The following GPC2 variants were observed in gnomAD, a reference collection of about 807,000 sequenced individuals.
GPC2 encodes glypican-2.
In GPC2, 42 loss-of-function variants were observed where a neutral mutation model predicts 57.3. The observed-to-expected ratio is 0.73, with a 90% confidence interval of 0.57 to 0.95. The LOEUF (loss-of-function observed/expected upper bound fraction) is 0.95. Ranked by LOEUF, GPC2 falls within the 40% of genes least tolerant of loss-of-function variation. The pLI, the probability that GPC2 is intolerant of heterozygous loss-of-function variation, is 0.00. For missense variants in GPC2, 745 were observed against 793.6 expected, an observed-to-expected ratio of 0.94 and a Z score of 0.74; for synonymous variants, 364 against 343.4, an observed-to-expected ratio of 1.06 and a Z score of -0.66.
intron 4 of GPC2, 178 bp from the exon 5 acceptor site, chr7:100,174,175 C>G: frequency 5.5e-6 from 3 of 544,170 alleles, no homozygotes; most frequent in South Asian, 2.7e-5. Flanking sequence ...GTTGCTGACT[C>G]TGATTCGTGG....
At position 100,170,387 on chromosome 7, in the gene GPC2, T is replaced by C. The variant is rs1285380592; in HGVS notation, c.1583A>G (p.Tyr528Cys). 6 of 1,611,698 alleles carry C rather than the reference T, an allele frequency of 3.7e-6. No homozygotes were observed. The highest frequency in any genetic ancestry group is 5.1e-6 in the Non-Finnish European group (6 of 1,179,058). Residue 528 changes from tyrosine to cysteine, a missense_variant, in exon 10 of 10, where the codon TAC becomes TGC. Tyr to Cys is a radical substitution (Grantham distance 194). Coordinates refer to ENST00000292377, the MANE Select transcript of GPC2 (RefSeq NM_152742.3). ...APPARPPRPP[Y>C]PPRRDGSGGK... Reference sequence around the variant, plus strand: ...CCCAGAACCATCCCTTCTAGGAGGGTATGGAGGCCGAGGAGGCCGGGCTGG... The same window carrying C: ...CCCAGAACCATCCCTTCTAGGAGGGCATGGAGGCCGAGGAGGCCGGGCTGG...
At chr7:100,173,011 C>A (rs1799211244) in intron 5 of GPC2, among the ~76,000 whole-genome samples, 1 of 151,886 alleles carries the variant, frequency 6.6e-6, no homozygotes, top group African/African-American at 2.4e-5. Context: ...GTAGCTGGGA[C>A]TACAGGTGCA....
At position 100,177,357 on chromosome 7, in the gene GPC2, C is replaced by A. The variant is rs1799331498; in HGVS notation, c.-158G>T. On this transcript the variant is annotated 5_prime_UTR_variant, in exon 1 of 10. Coordinates refer to ENST00000292377, the MANE Select transcript of GPC2 (RefSeq NM_152742.3). ...TACCGAGCACGATAGCTGGACCAGG[C>A]GGCATCTGCCGAGACAATGGGAGCG... The A allele has an allele frequency of 1.7e-6, 1 of 590,936 alleles. No individual in the cohort carries two copies. Among genetic ancestry groups the A allele is most frequent in the South Asian group, 3.1e-5 (1 of 32,268 alleles). The allele number at this position is 590,936 out of a possible 1,614,324, so 36.6% of individuals were successfully genotyped here.
At position 100,171,717 on chromosome 7, in the gene GPC2, AC is replaced by A; in HGVS notation, c.1171-40del. 3 of 1,473,360 alleles carry A rather than the reference AC, an allele frequency of 2.0e-6. No individual in the cohort carries two copies. Among genetic ancestry groups the A allele is most frequent in the East Asian group, 2.7e-5 (1 of 36,666 alleles). The allele number at this position is 1,473,360 out of a possible 1,614,324, so 91.3% of individuals were successfully genotyped here. ...AGGGGGCGGGGCGAGCTGGAGCGCG[AC>A]CCCCACAACCATCCCCGGCCCCGGG... On this transcript the variant is annotated intron_variant, in intron 7 of 9. Coordinates refer to ENST00000292377, the MANE Select transcript of GPC2 (RefSeq NM_152742.3). This position sits in a 1 kb window ranked among gnomAD's most constrained non-coding sequence, Gnocchi z 4.8.
intron 4 of GPC2, 176 bp from the exon 5 acceptor site, chr7:100,174,173 C>T (rs1177840997): frequency 1.6e-5 from 9 of 547,306 alleles, no homozygotes; most frequent in Non-Finnish European, 2.8e-5. Context: ...AGGTTGCTGA[C>T]TCTGATTCGT....
chr7:100,172,793 G>A (rs1186875193), intron 5 of GPC2, among the ~76,000 whole-genome samples: 7 of 145,688 alleles, frequency 4.8e-5, no homozygotes, highest in Admixed American at 1.4e-4. Flanking sequence ...ATATATATAC[G>A]TATATATATG....
At chr7:100,174,097 C>A in intron 4 of GPC2, 100 bp from the exon 5 acceptor site, 1 of 1,122,888 alleles carries the variant, frequency 8.9e-7, no homozygotes, top group Non-Finnish European at 1.2e-6. Flanking sequence ...CCCCACCCTA[C>A]ACCTAGGGTT....
At position 100,176,344 on chromosome 7, in the gene GPC2, G is replaced by T; in HGVS notation, c.188C>A (p.Pro63His). The change falls in exon 2 of 10, where the codon CCC becomes CAC. Residue 63 changes from proline to histidine, a missense_variant. By Grantham distance (77) the Pro-to-His change is moderately conservative. Transcript: ENST00000292377. ...ACTGGAACAGCAGGTGTACTCCTGG[G>T]GACAGACCCGGAGGTGCTCACCTGG... ...LISGEHLRVC[P>H]QEYTCCSSET... The T allele has an allele frequency of 1.2e-6, 2 of 1,613,976 alleles. No homozygotes were observed. Among genetic ancestry groups the T allele is most frequent in the Non-Finnish European group, 1.7e-6 (2 of 1,179,920 alleles).
rs1468679638 is a variant in GPC2 at position 100,171,852 on chromosome 7, G to T, written c.1097C>A (p.Ala366Glu). ...GGTCACCATCGACCACAGCCGGCCC[G>T]CCTCTTCCCGGGGCGGCGGGGCTCG... ...NRRAPPPREE[A>E]GRLWSMVTEE... The change falls in exon 7 of 10, where the codon GCG becomes GAG. Residue 366 changes from alanine (A) to glutamate (E), a missense_variant. Physicochemically the swap from Ala to Glu is moderately radical, Grantham distance 107 (BLOSUM62 -1). Transcript: ENST00000292377. The surrounding 1 kb of genome is among the most constrained non-coding windows in gnomAD (Gnocchi z 4.8). 1.3e-6 allele frequency: 2 copies of T among 1,550,582 alleles called. No individual in the cohort carries two copies. Among genetic ancestry groups the T allele is most frequent in the Non-Finnish European group, 1.7e-6 (2 of 1,156,412 alleles).
Position 100,176,288 on chromosome 7 carries a change from C to T in GPC2, c.244G>A (p.Glu82Lys), listed in dbSNP as rs1799279418. Residue 82 changes from glutamate to lysine, a missense_variant, in exon 2 of 10, where the codon GAG becomes AAG. Glu to Lys is a moderately conservative substitution (Grantham distance 56). This residue lies in a region of GPC2 where 138 missense variants were observed against 189.8 expected (regional missense o/e 0.73). Transcript: ENST00000292377. ...TCCACCAGGCCTCGGAAGGTGGCCT[C>T]AGTCTCCCTGATCAGCCTCTGCTCT... ...ETEQRLIRETEATFRGLVEDS... is the reference protein window; with the variant it reads ...ETEQRLIRETKATFRGLVEDS... 1 of 1,614,056 alleles carries T rather than the reference C, an allele frequency of 6.2e-7. No individual in the cohort carries two copies. The highest frequency in any genetic ancestry group is 2.2e-5 in the East Asian group (1 of 44,876).
chr7:100,171,178 A>G lies in GPC2; in HGVS notation c.1486+83T>C, dbSNP rs1026738528. ...ATTAATCAATGAACGCTAAGAGCAG[A>G]GGCACGGGCGGGAACTACCAGGAGA... On this transcript the variant is annotated intron_variant, in intron 9 of 9. Transcript: ENST00000292377. The surrounding 1 kb of genome is among the most constrained non-coding windows in gnomAD (Gnocchi z 4.8). 9 of 1,207,796 alleles carry G rather than the reference A, an allele frequency of 7.5e-6. No homozygotes were observed. In the Admixed American group the frequency reaches 2.2e-4, roughly 30 times the overall value. The allele number at this position is 1,207,796 out of a possible 1,614,324, so 74.8% of individuals were successfully genotyped here. A position where few individuals can be genotyped will look rare whatever the true frequency, so the allele number is the denominator to read the frequency against.
At position 100,171,718 on chromosome 7, in the gene GPC2, C is replaced by T. The variant is rs1226947256; in HGVS notation, c.1171-40G>A. On this transcript the variant is annotated intron_variant, in intron 7 of 9. Transcript: ENST00000292377. This position sits in a 1 kb window ranked among gnomAD's most constrained non-coding sequence, Gnocchi z 4.8. ...GGGGGCGGGGCGAGCTGGAGCGCGA[C>T]CCCCACAACCATCCCCGGCCCCGGG... 6.8e-7 allele frequency: 1 copy of T among 1,480,158 alleles called. No homozygotes were observed. Among genetic ancestry groups the T allele is most frequent in the Non-Finnish European group, 8.9e-7 (1 of 1,124,126 alleles). 91.7% of individuals were successfully genotyped at this position (1,480,158 alleles called of 1,614,324 possible).
intron 3 of GPC2, 44 bp from the exon 4 acceptor site, chr7:100,174,809 T>C: frequency 6.7e-7 from 1 of 1,483,204 alleles, no homozygotes; most frequent in Non-Finnish European, 9.4e-7. Context: ...AAGGTTGTTA[T>C]GGGTCAGTCA....
chr7:100,173,635 T>G (rs146726553), intron 5 of GPC2, 200 bp downstream of exon 5: 20 of 427,780 alleles, frequency 4.7e-5, no homozygotes, highest in Non-Finnish European at 7.5e-5. Context: ...CTTCCTTCTT[T>G]CCTTCTTTCT....
Position 100,175,624 on chromosome 7 carries a change from G to A in GPC2, c.596C>T (p.Thr199Ile). The A allele has an allele frequency of 6.2e-7, 1 of 1,613,926 alleles. No homozygotes were observed. Among genetic ancestry groups the A allele is most frequent in the Non-Finnish European group, 8.5e-7 (1 of 1,179,918 alleles). ...LLCLSRLASS[T>I]DGSLQPFGDS... ...CCCAAAGGGCTGCAGAGAGCCATCG[G>A]TAGATGAGGCCAAGCGTGAGAGGCA... Residue 199 changes from threonine to isoleucine, a missense_variant, in exon 3 of 10, where the codon ACC becomes ATC. Around this residue, in one of 2 missense-constraint regions of GPC2, gnomAD observed 607 missense variants for 603.9 expected, o/e 1.01. Transcript: ENST00000292377.
rs148196412 is a variant in GPC2, at chr7:100,176,472, CTT to C, written c.167-109_167-108del. On this transcript the variant is annotated intron_variant, in intron 1 of 9. Transcript: ENST00000292377. ...GCCTTCTCTTCTACCTGCCTGGTCT[CTT>C]TTCTATTGTCTGCACCCTCTTCCCT... The C allele has an allele frequency of 2.9e-3, 3,040 of 1,066,276 alleles. 61 individuals are homozygous for C. The African/African-American group carries it at 0.042, about 15-fold the overall frequency. The allele number at this position is 1,066,276 out of a possible 1,614,324, so 66.1% of individuals were successfully genotyped here.
intron 3 of GPC2, 29 bp downstream of exon 3, chr7:100,175,543 G>C: frequency 1.3e-6 from 2 of 1,570,194 alleles, no homozygotes; most frequent in Non-Finnish European, 1.7e-6. Flanking sequence ...GTCAGAAGTG[G>C]TTGAAGCTCA....
At position 100,170,342 on chromosome 7, in the gene GPC2, C is replaced by T. The variant is rs778573008; in HGVS notation, c.1628G>A (p.Ser543Asn). 4 of 1,613,268 alleles carry T rather than the reference C, an allele frequency of 2.5e-6. No homozygotes were observed. The highest frequency in any genetic ancestry group is 2.5e-6 in the Non-Finnish European group (3 of 1,179,776). The change falls in exon 10 of 10, where the codon AGT becomes AAT. Residue 543 changes from serine to asparagine, a missense_variant. Ser to Asn is a conservative substitution (Grantham distance 46, BLOSUM62 1). This residue lies in a region of GPC2 where 607 missense variants were observed against 603.9 expected (regional missense o/e 1.01). Coordinates refer to ENST00000292377, the MANE Select transcript of GPC2 (RefSeq NM_152742.3). ...DGSGGKGGGG[S>N]ARYNQGRSRS... ...GCTCCGGCCCTGGTTGTAGCGGGCA[C>T]TGCCACCTCCTCCTTTGCCCCCAGA... is the stretch of plus-strand genomic sequence containing the variant.
Position 100,176,218 on chromosome 7 carries a change from C to A in GPC2, c.314G>T (p.Arg105Ile). The A allele has an allele frequency of 6.2e-7, 1 of 1,608,844 alleles. No homozygotes were observed. The highest frequency in any genetic ancestry group is 8.5e-7 in the Non-Finnish European group (1 of 1,177,386). The change falls in exon 2 of 10, where the codon AGA becomes ATA. Residue 105 changes from arginine (R) to isoleucine (I), a missense_variant. Arg to Ile is a moderately conservative substitution (Grantham distance 97). Around this residue, in one of 2 missense-constraint regions of GPC2, gnomAD observed 138 missense variants for 189.8 expected, o/e 0.73. Coordinates refer to ENST00000292377, the MANE Select transcript of GPC2 (RefSeq NM_152742.3). ...FLVHTLAARH[R>I]KFDEFFLEML... Reference sequence around the variant, plus strand: ...CCCCAGGTCCTCACCATCAAATTTTCTGTGCCTGGCAGCCAGTGTGTGAAC... The same window carrying A: ...CCCCAGGTCCTCACCATCAAATTTTATGTGCCTGGCAGCCAGTGTGTGAAC...
Sources: allele counts gnomAD v4.1 joint callset (sites outside exome capture counted in the v4.1 genomes callset), GRCh38; gene constraint gnomAD v4.1.1; regional missense constraint gnomAD v4.1.1; non-coding constraint Gnocchi (gnomAD v3.1); transcripts MANE v1.5; gene names NCBI Gene and HGNC (gene_info 2026-07-23, HGNC 2026-07-21).